Variants in TRDN observed in about 807,000 individuals in gnomAD.
The protein encoded by TRDN is triadin in skeletal muscle.
A neutral mutation model predicts 149.7 loss-of-function variants in TRDN; 161 were observed. The ratio of observed to expected loss-of-function variants is 1.08; its 90% confidence interval spans 0.95 to 1.23. The LOEUF (loss-of-function observed/expected upper bound fraction) is 1.23, where lower values mean the gene tolerates loss of function less well. Among genes scored for constraint, TRDN ranks in the 50% most tolerant of loss-of-function variants. TRDN has a pLI of 0.00. For synonymous variants in TRDN, 294 were observed against 250.5 expected, an observed-to-expected ratio of 1.17 and a Z score of -1.64; for missense variants, 896 against 823.5, an observed-to-expected ratio of 1.09 and a Z score of -1.08.
chr6:123,275,158 C>T (rs772258626), intron 26 of TRDN, among the ~76,000 whole-genome samples: 2 of 151,886 alleles, frequency 1.3e-5, no homozygotes, highest in Non-Finnish European at 2.9e-5. Context: ...ATGTGTTCTC[C>T]CAAACAATCT....
chr6:123,319,923 AG>A (rs1779180786), intron 23 of TRDN, among the ~76,000 whole-genome samples: 1 of 152,124 alleles, frequency 6.6e-6, no homozygotes. Flanking sequence ...GTTTTCAAGT[AG>A]AATAAGCAGA....
intron 33 of TRDN, among the ~76,000 whole-genome samples, chr6:123,261,030 C>A (rs925052143): frequency 6.6e-6 from 1 of 151,628 alleles, no homozygotes; most frequent in East Asian, 1.9e-4. Context: ...ATGATAAATG[C>A]TGATGTGATG....
intron 24 of TRDN, among the ~76,000 whole-genome samples, chr6:123,306,894 A>AT (rs1778631071): frequency 1.4e-5 from 2 of 143,420 alleles, no homozygotes; most frequent in Non-Finnish European, 3.1e-5. Flanking sequence ...AAAGGGGTAA[A>AT]GAAAAAAAAA....
Position 123,514,230 on chromosome 6 carries a change from T to G in TRDN, c.551-1868A>C, listed in dbSNP as rs537630153. On this transcript the variant is annotated intron_variant, in intron 6 of 40. Coordinates refer to ENST00000334268, the MANE Select transcript of TRDN (RefSeq NM_006073.4). ...AAACACAAAAATTAGCTGGGTGTGGTGGCACATGTCTGTAGTTCTCATGCT... is the reference window on the plus strand; with the variant it reads ...AAACACAAAAATTAGCTGGGTGTGGGGGCACATGTCTGTAGTTCTCATGCT... Among the ~76,000 whole-genome samples, 7 of 152,116 alleles carry G rather than the reference T, an allele frequency of 4.6e-5. No individual in the cohort carries two copies. In the South Asian group the frequency reaches 1.5e-3, roughly 32 times the overall value.
intron 9 of TRDN, chr6:123,470,607 C>T (rs1398061091): frequency 6.6e-6 from 1 of 152,158 alleles, no homozygotes; most frequent in Non-Finnish European, 1.5e-5. Flanking sequence ...AGCAGGACCC[C>T]ACTAAACTAT....
intron 38 of TRDN, among the ~76,000 whole-genome samples, chr6:123,229,728 CTAAT>C (rs1411945240): frequency 6.6e-6 from 1 of 151,834 alleles, no homozygotes; most frequent in Admixed American, 6.6e-5. Flanking sequence ...TGTATGGACT[CTAAT>C]AAATATGGAC....
chr6:123,301,908 A>G (rs1778444477), intron 24 of TRDN, among the ~76,000 whole-genome samples: 1 of 148,816 alleles, frequency 6.7e-6, no homozygotes, highest in South Asian at 2.1e-4. Flanking sequence ...TATTTATGTA[A>G]TATTTCTTAT....
chr6:123,347,239 T>C (rs1041568722), intron 21 of TRDN, among the ~76,000 whole-genome samples: 1 of 152,094 alleles, frequency 6.6e-6, no homozygotes, highest in African/African-American at 2.4e-5. Context: ...GAGAATATAG[T>C]ACGTACTGAA....
At chr6:123,291,401 A>G (rs1029398672) in intron 24 of TRDN, among the ~76,000 whole-genome samples, 2 of 151,766 alleles carry the variant, frequency 1.3e-5, no homozygotes, top group African/African-American at 4.8e-5. Flanking sequence ...TGTCTCTACT[A>G]AAAAATACAA....
At chr6:123,498,391 T>C (rs1462135011) in intron 8 of TRDN, 1 of 319,212 alleles carries the variant, frequency 3.1e-6, no homozygotes, top group Non-Finnish European at 6.5e-6. Flanking sequence ...GTTAGGTCTT[T>C]AAAAAATAAA....
At position 123,636,762 on chromosome 6, in the gene TRDN, G is replaced by A. The variant is rs750046661; in HGVS notation, c.14C>T (p.Thr5Ile). 20 of 1,611,530 alleles carry A rather than the reference G, an allele frequency of 1.2e-5. No homozygotes were observed. The highest frequency in any genetic ancestry group is 1.7e-5 in the Non-Finnish European group (20 of 1,178,444). The change falls in exon 1 of 41, where the codon ACT becomes ATT. Residue 5 changes from threonine to isoleucine, a missense_variant. Thr to Ile is a moderately conservative substitution (Grantham distance 89). Transcript: ENST00000334268. ...GAAAATGGTAGCAATACCTTCAGCAGTGATCTCAGTCATGGTGGTCGTCAA... is the reference window on the plus strand; with the variant it reads ...GAAAATGGTAGCAATACCTTCAGCAATGATCTCAGTCATGGTGGTCGTCAA... MTEI[T>I]AEGNASTTTT...
intron 21 of TRDN, chr6:123,349,558 C>T (rs1780377160): frequency 5.7e-6 from 5 of 882,660 alleles, no homozygotes; most frequent in Non-Finnish European, 6.8e-6. Context: ...TTTAAAAATA[C>T]ATATTAAGCA....
intron 38 of TRDN, among the ~76,000 whole-genome samples, chr6:123,238,193 C>CAA (rs559187518): frequency 6.6e-6 from 1 of 152,032 alleles, no homozygotes; most frequent in African/African-American, 2.4e-5. Flanking sequence ...GTCAAAAATG[C>CAA]AAAAGAAATG....
chr6:123,562,560 G>T lies in TRDN; in HGVS notation c.232+8363C>A, dbSNP rs144599791. On this transcript the variant is annotated intron_variant, in intron 2 of 40. Transcript: ENST00000334268. Reference sequence around the variant, plus strand: ...TGGCAACTTGATCTGGAATTTCCCAGCCTCCAGAATTGTGAGAAATAATGT... The same window carrying T: ...TGGCAACTTGATCTGGAATTTCCCATCCTCCAGAATTGTGAGAAATAATGT... Among the ~76,000 whole-genome samples, 230 of 152,286 alleles carry T rather than the reference G, an allele frequency of 1.5e-3. 1 individual carries two copies. The highest frequency in any genetic ancestry group is 3.3e-3 in the South Asian group (16 of 4,820).
intron 5 of TRDN, among the ~76,000 whole-genome samples, chr6:123,518,254 C>T (rs1212347873): frequency 6.6e-6 from 1 of 152,094 alleles, no homozygotes; most frequent in Non-Finnish European, 1.5e-5. Context: ...TGTTTATTCG[C>T]TACTCAGTTC....
chr6:123,360,722 AGAGAGAGAGAGAGAGAGAGACAGG>A (rs1780867132), intron 20 of TRDN, among the ~76,000 whole-genome samples: 1 of 100,310 alleles, frequency 1.0e-5, no homozygotes, highest in Admixed American at 1.1e-4. Context: ...AGAGAGACGG[AGAGAGAGAGAGAGAGAGAGACAGG>A]GAGAGAGAGA....
At chr6:123,588,411 A>G (rs986822639) in intron 1 of TRDN, among the ~76,000 whole-genome samples, 3 of 152,186 alleles carry the variant, frequency 2.0e-5, no homozygotes, top group African/African-American at 7.2e-5. Context: ...AGGAGATATA[A>G]GGAGACATGT....
Position 123,329,846 on chromosome 6 carries a change from G to T in TRDN, c.1471+2033C>A, listed in dbSNP as rs531768886. 2.0e-5 allele frequency among the ~76,000 whole-genome samples: 3 copies of T among 152,050 alleles called. No homozygotes were observed. The South Asian group carries it at 6.2e-4, about 32-fold the overall frequency. On this transcript the variant is annotated intron_variant, in intron 23 of 40. Coordinates refer to ENST00000334268, the MANE Select transcript of TRDN (RefSeq NM_006073.4). ...AAATGGGATTTAAAATAATTATTCT[G>T]GTGATTACATTTAATTGTCTTTTTG...
chr6:123,237,575 CT>C (rs1775836993), intron 38 of TRDN, among the ~76,000 whole-genome samples: 1 of 152,138 alleles, frequency 6.6e-6, no homozygotes, highest in African/African-American at 2.4e-5. Context: ...AACTCACTTA[CT>C]AATTCCAGTT....
Sources: gnomAD v4.1 joint callset for allele counts (sites outside exome capture counted in the v4.1 genomes callset) on GRCh38, gnomAD v4.1.1 for gene constraint, MANE v1.5 for transcripts, NCBI Gene and HGNC (gene_info 2026-07-23, HGNC 2026-07-21) for gene names.